Variants in KIRREL1 observed in about 807,000 individuals in gnomAD.
KIRREL1 encodes kirre like nephrin family adhesion molecule 1, also known as kin of IRRE-like protein 1.
A neutral mutation model predicts 83.3 loss-of-function variants in KIRREL1; 25 were observed. The ratio of observed to expected loss-of-function variants is 0.30; its 90% CI spans 0.22 to 0.42. KIRREL1 has a LOEUF of 0.42. Ranked by LOEUF, KIRREL1 falls within the 10% of genes least tolerant of loss-of-function variation. The pLI is 1.00. For synonymous variants in KIRREL1, 388 were observed against 410.4 expected, an observed-to-expected ratio of 0.95 and a Z score of 0.66; for missense variants, 812 against 1,032.3, an observed-to-expected ratio of 0.79 and a Z score of 2.92.
At chr1:158,024,028 A>G (rs1374446127) in intron 1 of KIRREL1, among the ~76,000 whole-genome samples, 1 of 151,672 alleles carries the variant, frequency 6.6e-6, no homozygotes, top group Non-Finnish European at 1.5e-5. Context: ...GCTAACCACA[A>G]CCTCTGCCTC....
At chr1:158,075,547 C>A (rs1443637709) in intron 1 of KIRREL1, among the ~76,000 whole-genome samples, 3 of 152,234 alleles carry the variant, frequency 2.0e-5, no homozygotes, top group Non-Finnish European at 2.9e-5. Context: ...GACATGCTGG[C>A]TTTATAGTAT....
intron 1 of KIRREL1, among the ~76,000 whole-genome samples, chr1:158,055,107 C>A (rs946836158): frequency 2.6e-5 from 4 of 152,116 alleles, no homozygotes; most frequent in African/African-American, 9.7e-5. Context: ...ACACTAAGCA[C>A]CTGCACTTGG....
At chr1:158,022,517 A>G (rs1660027128) in intron 1 of KIRREL1, among the ~76,000 whole-genome samples, 1 of 152,148 alleles carries the variant, frequency 6.6e-6, no homozygotes, top group Non-Finnish European at 1.5e-5. Context: ...ACAGCTAAAA[A>G]ACACCCATAT....
chr1:158,098,492 T>C lies in KIRREL1; in HGVS notation c.*3372T>C, dbSNP rs1375415011. ...GTCGGGGAGTAAGCACAGCTGCCCC[T>C]GCCTGAGAAGGAGCAGCTTGCAAGG... On this transcript the variant is annotated 3_prime_UTR_variant, in exon 15 of 15. Transcript: ENST00000359209. 1 of 152,266 alleles carries C rather than the reference T, an allele frequency of 6.6e-6. No individual in the cohort carries two copies. Among genetic ancestry groups the C allele is most frequent in the Non-Finnish European group, 1.5e-5 (1 of 68,076 alleles). The allele number at this position is 152,266 out of a possible 1,614,324, so 9.4% of individuals were successfully genotyped here. A position where few individuals can be genotyped will look rare whatever the true frequency, so the allele number is the denominator to read the frequency against.
At position 158,094,749 on chromosome 1, in the gene KIRREL1, G is replaced by A. The variant is rs770599820; in HGVS notation, c.1903G>A (p.Gly635Ser). 63 of 1,613,620 alleles carry A rather than the reference G, an allele frequency of 3.9e-5. No individual in the cohort carries two copies. The highest frequency in any genetic ancestry group is 1.6e-4 in the East Asian group (7 of 44,870). The change falls in exon 15 of 15, where the codon GGC (glycine) becomes AGC (serine). Residue 635 changes from glycine to serine, a missense_variant. This residue lies in a region of KIRREL1 where 334 missense variants were observed against 383.7 expected (regional missense o/e 0.87). Transcript: ENST00000359209. The surrounding 1 kb of genome is among the most constrained non-coding windows in gnomAD (Gnocchi z 4.6). Reference sequence around the variant, plus strand: ...TGCCCCTGGCCCTGCCCGCTTCGACGGCCGCCCCTCATCCCGTCTCTCCCA... The same window carrying A: ...TGCCCCTGGCCCTGCCCGCTTCGACAGCCGCCCCTCATCCCGTCTCTCCCA... ...YRAPGPARFD[G>S]RPSSRLSHSS...
At chr1:158,088,622 C>T (rs971661046) in intron 8 of KIRREL1, among the ~76,000 whole-genome samples, 168 bp downstream of exon 8, 16 of 151,046 alleles carry the variant, frequency 1.1e-4, no homozygotes, top group African/African-American at 3.7e-4. Context: ...GTAGCTGGGA[C>T]TACAGGCGCC....
intron 1 of KIRREL1, among the ~76,000 whole-genome samples, chr1:158,015,136 C>CT (rs1659794931): frequency 6.6e-6 from 1 of 152,186 alleles, no homozygotes; most frequent in East Asian, 1.9e-4. Context: ...GACATCACAA[C>CT]AGCTGGCTGG....
Position 158,049,085 on chromosome 1 carries a change from C to T in KIRREL1, c.53-27028C>T, listed in dbSNP as rs193300948. Among the ~76,000 whole-genome samples the T allele has an allele frequency of 6.8e-3, 1,036 of 152,184 alleles. 4 individuals are homozygous for T. Among genetic ancestry groups the T allele is most frequent in the Admixed American group, 0.012 (176 of 15,280 alleles). On this transcript the variant is annotated intron_variant, in intron 1 of 14. Coordinates refer to ENST00000359209, the MANE Select transcript of KIRREL1 (RefSeq NM_018240.7). ...TGCATTTGCAAGTGTGGAGACAGAACGAATAAGGTATTTGTAGAAGGTGGT... is the reference window on the plus strand; with the variant it reads ...TGCATTTGCAAGTGTGGAGACAGAATGAATAAGGTATTTGTAGAAGGTGGT...
chr1:158,011,440 A>T (rs150668560), intron 1 of KIRREL1, among the ~76,000 whole-genome samples: 196 of 152,260 alleles, frequency 1.3e-3, no homozygotes, highest in Admixed American at 6.9e-3. Flanking sequence ...GAGACTCTAG[A>T]AGGAACCGGA....
chr1:158,056,624 T>C (rs913663148), intron 1 of KIRREL1, among the ~76,000 whole-genome samples: 38 of 152,356 alleles, frequency 2.5e-4, no homozygotes, highest in African/African-American at 9.1e-4. Flanking sequence ...GTGTCACTGC[T>C]GTCACATTTG....
intron 1 of KIRREL1, among the ~76,000 whole-genome samples, chr1:158,072,795 G>A (rs1278683160): frequency 1.3e-5 from 2 of 152,120 alleles, no homozygotes; most frequent in African/African-American, 4.8e-5. Context: ...GTGGCGAGGG[G>A]GATGTGGGAG....
intron 1 of KIRREL1, among the ~76,000 whole-genome samples, chr1:158,014,391 C>T (rs1285514478): frequency 2.6e-5 from 4 of 152,138 alleles, no homozygotes; most frequent in Non-Finnish European, 5.9e-5. Context: ...GGAACAAAAA[C>T]CATTCAGAGA....
chr1:158,029,366 T>TGTGTGTGTGTGTGTGTGTGTGTGCGCGC (rs1553238087), intron 1 of KIRREL1, among the ~76,000 whole-genome samples: 1 of 148,930 alleles, frequency 6.7e-6, no homozygotes, highest in African/African-American at 2.5e-5. Context: ...TGTGTGTGTG[T>TGTGTGTGTGTGTGTGTGTGTGTGCGCGC]GCACGTGCGC....
At chr1:158,032,746 A>G in intron 1 of KIRREL1, among the ~76,000 whole-genome samples, 1 of 152,014 alleles carries the variant, frequency 6.6e-6, no homozygotes, top group East Asian at 1.9e-4. Context: ...CCAGCCTGTG[A>G]TGGGGAATCC....
chr1:158,073,726 G>A (rs1661587162), intron 1 of KIRREL1, among the ~76,000 whole-genome samples: 3 of 152,162 alleles, frequency 2.0e-5, no homozygotes, highest in Admixed American at 2.0e-4. Context: ...ACACACCCAA[G>A]GTCACACCAC....
chr1:158,086,067 A>G (rs1386471467), intron 4 of KIRREL1, among the ~76,000 whole-genome samples: 1 of 152,206 alleles, frequency 6.6e-6, no homozygotes. Flanking sequence ...AGTGAACTCT[A>G]ATATAAACTG....
chr1:158,077,467 C>T lies in KIRREL1; in HGVS notation c.203-524C>T, dbSNP rs566873261. ...GCAAGGCCCACTGCCTCAGCCACTG[C>T]TTCTGCAGGAAACCAGGACTCTTTG... On this transcript the variant is annotated intron_variant, in intron 2 of 14. Coordinates refer to ENST00000359209, the MANE Select transcript of KIRREL1 (RefSeq NM_018240.7). Among the ~76,000 whole-genome samples the T allele has an allele frequency of 3.3e-4, 50 of 152,262 alleles. No homozygotes were observed. In the South Asian group the frequency reaches 0.01, roughly 32 times the overall value.
At chr1:158,031,584 A>T (rs1660328230) in intron 1 of KIRREL1, among the ~76,000 whole-genome samples, 1 of 152,220 alleles carries the variant, frequency 6.6e-6, no homozygotes, top group Non-Finnish European at 1.5e-5. Flanking sequence ...ACAGGGATGC[A>T]GTAGGTACTC....
At chr1:158,060,783 C>A (rs1052662635) in intron 1 of KIRREL1, among the ~76,000 whole-genome samples, 2 of 152,156 alleles carry the variant, frequency 1.3e-5, no homozygotes, top group Non-Finnish European at 2.9e-5. Context: ...GGAGTCGGGG[C>A]TTGAAGCAGG....
Sources: gnomAD v4.1 joint callset for allele counts (sites outside exome capture counted in the v4.1 genomes callset) on GRCh38, gnomAD v4.1.1 for gene constraint, gnomAD v4.1.1 regional missense constraint, Gnocchi (gnomAD v3.1) non-coding constraint, MANE v1.5 for transcripts, NCBI Gene and HGNC (gene_info 2026-07-23, HGNC 2026-07-21) for gene names.